PROS1: variants seen among roughly 807,000 people sequenced by gnomAD.
PROS1 encodes vitamin K-dependent protein S.
In PROS1, 29 loss-of-function variants were observed where a neutral mutation model predicts 75.9. The observed-to-expected ratio is 0.38, with a 90% confidence interval of 0.28 to 0.52. The LOEUF is 0.52. Ranked by LOEUF, PROS1 falls within the 20% of genes least tolerant of loss-of-function variation. The pLI is 0.83. For missense variants in PROS1, 680 were observed against 810.3 expected, an observed-to-expected ratio of 0.84 and a Z score of 1.95; for synonymous variants, 245 against 280.6, an observed-to-expected ratio of 0.87 and a Z score of 1.27.
intron 12 of PROS1, among the ~76,000 whole-genome samples, chr3:93,883,105 A>T (rs1229882085): frequency 6.6e-6 from 1 of 152,140 alleles, no homozygotes; most frequent in South Asian, 2.1e-4. Context: ...CAGGGATACA[A>T]CACCTGCCTA....
At chr3:93,879,135 G>A (rs1249788390) in intron 13 of PROS1, 28 bp downstream of exon 13, 1 of 1,600,614 alleles carries the variant, frequency 6.2e-7, no homozygotes, top group African/African-American at 1.3e-5. Context: ...AGAAAAACAA[G>A]GCTTATATAG....
At chr3:93,925,066 G>T (rs1327671134) in intron 2 of PROS1, among the ~76,000 whole-genome samples, 1 of 152,158 alleles carries the variant, frequency 6.6e-6, no homozygotes, top group Non-Finnish European at 1.5e-5. Context: ...TGTACCAAAA[G>T]TTTGTCTGTA....
At chr3:93,914,419 T>G (rs1421229903) in intron 3 of PROS1, among the ~76,000 whole-genome samples, 1 of 152,062 alleles carries the variant, frequency 6.6e-6, no homozygotes, top group African/African-American at 2.4e-5. Flanking sequence ...TCCAGAGTGG[T>G]GGGTTGAGAT....
Position 93,924,277 on chromosome 3 carries a change from A to T in PROS1, c.235-13T>A, listed in dbSNP as rs759071686. The T allele has an allele frequency of 7.9e-7, 1 of 1,264,384 alleles. No individual in the cohort carries two copies. The highest frequency in any genetic ancestry group is 1.1e-6 in the Non-Finnish European group (1 of 921,504). 78.3% of individuals were successfully genotyped at this position (1,264,384 alleles called of 1,614,324 possible). A position where few individuals can be genotyped will look rare whatever the true frequency, so the allele number is the denominator to read the frequency against. ...GATAAAAATAATCCTAGAAAGAAGA[A>T]AAAGAAAACATATCTTAGCAAACCT... On this transcript the variant is annotated splice_polypyrimidine_tract_variant and intron_variant, in intron 2 of 14. Coordinates refer to ENST00000394236, the MANE Select transcript of PROS1 (RefSeq NM_000313.4).
chr3:93,959,017 A>T (rs980069270), intron 1 of PROS1, among the ~76,000 whole-genome samples: 1 of 152,178 alleles, frequency 6.6e-6, no homozygotes, highest in Non-Finnish European at 1.5e-5. Flanking sequence ...ATATTTAAGC[A>T]ACTTTTGTAA....
chr3:93,905,096 T>C (rs574559846), intron 6 of PROS1, among the ~76,000 whole-genome samples: 2 of 152,304 alleles, frequency 1.3e-5, no homozygotes, highest in South Asian at 4.1e-4. Context: ...GAAGAGGTTA[T>C]TGCAGTGGAT....
At chr3:93,951,801 G>C (rs1420814021) in intron 1 of PROS1, among the ~76,000 whole-genome samples, 1 of 152,184 alleles carries the variant, frequency 6.6e-6, no homozygotes, top group Non-Finnish European at 1.5e-5. Flanking sequence ...TGGATAAAGA[G>C]TTAAGACCCA....
At chr3:93,970,446 C>T (rs1266511434) in intron 1 of PROS1, among the ~76,000 whole-genome samples, 1 of 152,098 alleles carries the variant, frequency 6.6e-6, no homozygotes, top group Non-Finnish European at 1.5e-5. Context: ...AGTGATCTTC[C>T]CACCTTAGAC....
chr3:93,930,325 A>T (rs1198010652), intron 1 of PROS1, among the ~76,000 whole-genome samples: 2 of 152,232 alleles, frequency 1.3e-5, no homozygotes, highest in East Asian at 1.9e-4. Context: ...ATTTATTTTA[A>T]GTAGTTTTAC....
At chr3:93,886,608 A>G in intron 10 of PROS1, 105 bp from the exon 11 acceptor site, 1 of 844,012 alleles carries the variant, frequency 1.2e-6, no homozygotes, top group Non-Finnish European at 1.9e-6. Context: ...ATACTTCTGT[A>G]AAGTAATCAT....
At chr3:93,903,687 A>G (rs1708631274) in intron 6 of PROS1, among the ~76,000 whole-genome samples, 2 of 152,176 alleles carry the variant, frequency 1.3e-5, no homozygotes, top group African/African-American at 4.8e-5. Context: ...ATAAAAACAC[A>G]AATTCTTTAG....
At chr3:93,944,142 GAACT>G (rs1709340417) in intron 1 of PROS1, among the ~76,000 whole-genome samples, 1 of 152,102 alleles carries the variant, frequency 6.6e-6, no homozygotes, top group African/African-American at 2.4e-5. Flanking sequence ...AATGTACAGA[GAACT>G]AACTGATAAC....
At chr3:93,916,969 A>G (rs1708862556) in intron 3 of PROS1, among the ~76,000 whole-genome samples, 1 of 152,266 alleles carries the variant, frequency 6.6e-6, no homozygotes, top group Non-Finnish European at 1.5e-5. Flanking sequence ...TGGAATTATA[A>G]TGGATCAAGA....
At chr3:93,945,613 T>C (rs1316314044) in intron 1 of PROS1, among the ~76,000 whole-genome samples, 1 of 152,216 alleles carries the variant, frequency 6.6e-6, no homozygotes, top group Non-Finnish European at 1.5e-5. Flanking sequence ...TCAACAGCTC[T>C]TCATGCTAAA....
At chr3:93,940,870 C>A (rs1278631016) in intron 1 of PROS1, among the ~76,000 whole-genome samples, 1 of 152,182 alleles carries the variant, frequency 6.6e-6, no homozygotes, top group African/African-American at 2.4e-5. Flanking sequence ...ATTCAAAAAC[C>A]AGACAAGTCT....
At chr3:93,962,343 C>T (rs1709719532) in intron 1 of PROS1, among the ~76,000 whole-genome samples, 1 of 152,144 alleles carries the variant, frequency 6.6e-6, no homozygotes, top group Non-Finnish European at 1.5e-5. Flanking sequence ...GTACTTCAAC[C>T]ACAATAAAAA....
At position 93,910,940 on chromosome 3, in the gene PROS1, C is replaced by T. The variant is rs8178623; in HGVS notation, c.260-235G>A. 0.39 allele frequency: 192,324 copies of T among 488,998 alleles called. 41,791 individuals are homozygous for T. Among genetic ancestry groups the T allele is most frequent in the East Asian group, 0.53 (14,190 of 26,782 alleles). The allele number at this position is 488,998 out of a possible 1,614,324, so 30.3% of individuals were successfully genotyped here. ...AAATAAGTCTGTGACAGCTTCTTCT[C>T]TCTGGAGAAGAACCTTAAAGTCAGA... On this transcript the variant is annotated intron_variant, in intron 3 of 14. Coordinates refer to ENST00000394236, the MANE Select transcript of PROS1 (RefSeq NM_000313.4).
intron 3 of PROS1, among the ~76,000 whole-genome samples, chr3:93,922,686 C>T (rs1338177695): frequency 6.6e-6 from 1 of 152,046 alleles, no homozygotes; most frequent in Non-Finnish European, 1.5e-5. Flanking sequence ...AGAGAAAGGA[C>T]TGTTTTGTTT....
At chr3:93,908,477 CAG>C (rs1708708861) in intron 4 of PROS1, among the ~76,000 whole-genome samples, 1 of 151,410 alleles carries the variant, frequency 6.6e-6, no homozygotes, top group Non-Finnish European at 1.5e-5. Flanking sequence ...ACTATAAAGG[CAG>C]AGAGAGGGAA....
Sources: gnomAD v4.1 joint callset for allele counts (sites outside exome capture counted in the v4.1 genomes callset) on GRCh38, gnomAD v4.1.1 for gene constraint, MANE v1.5 for transcripts, NCBI Gene and HGNC (gene_info 2026-07-23, HGNC 2026-07-21) for gene names.